Variants in NFIA observed in about 807,000 individuals in gnomAD.
The protein encoded by NFIA is nuclear factor 1 A-type.
NFIA carries 8 observed loss-of-function variants against 62.8 expected under a neutral mutation model. The ratio of observed to expected loss-of-function variants is 0.13; its 90% CI spans 0.07 to 0.23. The LOEUF is 0.23. Among genes scored for constraint, NFIA ranks in the 10% least tolerant of loss-of-function variants. The pLI is 1.00. For synonymous variants in NFIA, 235 were observed against 238.1 expected (o/e 0.99, Z 0.12); for missense variants, 410 against 642.1 (o/e 0.64, Z 3.91).
chr1:61,385,873 T>C (rs1357572466), intron 7 of NFIA: 2 of 152,190 alleles, frequency 1.3e-5, no homozygotes, highest in Non-Finnish European at 2.9e-5. Context: ...TTCACCAGAA[T>C]TCAAGATGGC....
chr1:61,236,833 T>C (rs1373034020), intron 2 of NFIA, among the ~76,000 whole-genome samples: 1 of 152,202 alleles, frequency 6.6e-6, no homozygotes, highest in Non-Finnish European at 1.5e-5. Context: ...ATCACTCTTT[T>C]GCTTGTCACC....
chr1:61,441,273 T>G (rs546008399), intron 10 of NFIA, among the ~76,000 whole-genome samples: 3 of 149,864 alleles, frequency 2.0e-5, no homozygotes, highest in Admixed American at 6.7e-5. Flanking sequence ...GGATTTACTT[T>G]CATAGACTGC....
intron 6 of NFIA, among the ~76,000 whole-genome samples, chr1:61,381,922 A>G (rs987507199): frequency 6.6e-6 from 1 of 152,226 alleles, no homozygotes; most frequent in Non-Finnish European, 1.5e-5. Context: ...ATCTATACCT[A>G]TAAAGTGCTT....
At chr1:61,115,747 T>C (rs1646783401) in intron 2 of NFIA, among the ~76,000 whole-genome samples, 1 of 152,230 alleles carries the variant, frequency 6.6e-6, no homozygotes, top group Non-Finnish European at 1.5e-5. Context: ...TCATGGGCAA[T>C]GTTGAAAACA....
chr1:61,215,904 G>C (rs546602202), intron 2 of NFIA, among the ~76,000 whole-genome samples: 1 of 152,152 alleles, frequency 6.6e-6, no homozygotes. Flanking sequence ...AAAGTTTAGC[G>C]CATGCGGTCA....
At chr1:61,408,855 G>A (rs1353320488) in intron 9 of NFIA, among the ~76,000 whole-genome samples, 1 of 152,172 alleles carries the variant, frequency 6.6e-6, no homozygotes, top group Non-Finnish European at 1.5e-5. Context: ...TCTGATCATT[G>A]GAGTATTTTA....
At chr1:61,343,666 C>T (rs568757635) in intron 4 of NFIA, among the ~76,000 whole-genome samples, 7 of 152,308 alleles carry the variant, frequency 4.6e-5, no homozygotes, top group African/African-American at 1.7e-4. Context: ...TCTTAGCCTG[C>T]ATTTGGTCAG....
At chr1:61,390,869 A>G (rs943915391) in intron 7 of NFIA, among the ~76,000 whole-genome samples, 1 of 152,242 alleles carries the variant, frequency 6.6e-6, no homozygotes, top group African/African-American at 2.4e-5. Flanking sequence ...ATTGTCAAAT[A>G]AATGAATGAA....
chr1:61,170,498 A>C (rs1471318239), intron 2 of NFIA, among the ~76,000 whole-genome samples: 1 of 152,182 alleles, frequency 6.6e-6, no homozygotes, highest in Non-Finnish European at 1.5e-5. Context: ...AGGTGCTCAC[A>C]GTCGAGTCAT....
chr1:61,142,618 A>G (rs1201061525), intron 2 of NFIA, among the ~76,000 whole-genome samples: 1 of 152,190 alleles, frequency 6.6e-6, no homozygotes, highest in South Asian at 2.1e-4. Context: ...ATGAAATTGT[A>G]AAGGTTACTT....
At chr1:61,421,051 C>T (rs1161214408) in intron 9 of NFIA, among the ~76,000 whole-genome samples, 1 of 152,218 alleles carries the variant, frequency 6.6e-6, no homozygotes, top group Non-Finnish European at 1.5e-5. Context: ...TTGGTGGCCT[C>T]AGTCCACTGG....
rs1043665150 is a variant in NFIA, at chr1:61,457,658, G to A, written c.*2338G>A. 6.6e-5 allele frequency: 10 copies of A among 151,354 alleles called. No homozygotes were observed. Among genetic ancestry groups the A allele is most frequent in the Non-Finnish European group, 1.3e-4 (9 of 67,882 alleles). The allele number at this position is 151,354 out of a possible 1,614,324, so 9.4% of individuals were successfully genotyped here. ...TATTTTTTTTTATTTGACCAAAGTC[G>A]GTGCTGCACTTGACGCAGTGTGTTT... On this transcript the variant is annotated 3_prime_UTR_variant, in exon 11 of 11. Transcript: ENST00000403491. The surrounding 1 kb of genome is among the most constrained non-coding windows in gnomAD (Gnocchi z 4.2).
chr1:61,368,309 A>G (rs915180968), intron 6 of NFIA, among the ~76,000 whole-genome samples: 1 of 152,172 alleles, frequency 6.6e-6, no homozygotes, highest in East Asian at 1.9e-4. Context: ...TGGCCAACTC[A>G]TGGTGTGGCT....
intron 3 of NFIA, among the ~76,000 whole-genome samples, chr1:61,328,519 C>T (rs551816202): frequency 6.6e-6 from 1 of 152,082 alleles, no homozygotes; most frequent in South Asian, 2.1e-4. Flanking sequence ...CTTCCCCGTT[C>T]AAGTGATTCT....
At chr1:61,117,314 C>T (rs1043023132) in intron 2 of NFIA, among the ~76,000 whole-genome samples, 9 of 152,036 alleles carry the variant, frequency 5.9e-5, no homozygotes, top group Non-Finnish European at 1.0e-4. Flanking sequence ...GATATAAATC[C>T]CTCCATAGTG....
At chr1:61,154,761 A>AT (rs980898612) in intron 2 of NFIA, among the ~76,000 whole-genome samples, 4 of 152,246 alleles carry the variant, frequency 2.6e-5, no homozygotes, top group African/African-American at 7.2e-5. Flanking sequence ...CCAAACATAC[A>AT]TTTAAATAGA....
At chr1:61,432,830 T>TA (rs767043395) in intron 10 of NFIA, among the ~76,000 whole-genome samples, 53 of 152,108 alleles carry the variant, frequency 3.5e-4, no homozygotes, top group Admixed American at 3.4e-3. Context: ...TGAGCCAAGT[T>TA]AAAAGTCTTA....
intron 10 of NFIA, among the ~76,000 whole-genome samples, chr1:61,445,545 A>G (rs1667770501): frequency 6.6e-6 from 1 of 152,252 alleles, no homozygotes; most frequent in African/African-American, 2.4e-5. Flanking sequence ...ACGTCTTAAC[A>G]AAGACAAGTT....
At chr1:61,218,970 G>A (rs1283767065) in intron 2 of NFIA, among the ~76,000 whole-genome samples, 3 of 152,220 alleles carry the variant, frequency 2.0e-5, no homozygotes, top group Non-Finnish European at 4.4e-5. Flanking sequence ...GGTGGCTCAC[G>A]CCTATAATCC....
Sources: allele counts gnomAD v4.1 joint callset (sites outside exome capture counted in the v4.1 genomes callset), GRCh38; gene constraint gnomAD v4.1.1; non-coding constraint Gnocchi (gnomAD v3.1); transcripts MANE v1.5; gene names NCBI Gene and HGNC (gene_info 2026-07-23, HGNC 2026-07-21).